VTCN1: variants seen among roughly 807,000 people sequenced by gnomAD.
VTCN1 encodes the protein V-set domain containing T cell activation inhibitor 1.
Under a neutral mutation model 26.5 loss-of-function variants are expected in VTCN1, and 26 were observed. That is an observed-to-expected ratio of 0.98 (90% CI 0.72 to 1.36). The LOEUF (loss-of-function observed/expected upper bound fraction) is 1.36, where lower values mean the gene tolerates loss of function less well. Among genes scored for constraint, VTCN1 ranks in the 40% most tolerant of loss-of-function variants. The probability of loss-of-function intolerance (pLI) is 0.00; values close to 1 mark genes in which losing one functional copy is unlikely to be tolerated. For synonymous variants in VTCN1, 116 were observed against 130.7 expected, an observed-to-expected ratio of 0.89 and a Z score of 0.77; for missense variants, 298 against 337.7, an observed-to-expected ratio of 0.88 and a Z score of 0.92.
intron 2 of VTCN1, among the ~76,000 whole-genome samples, chr1:117,164,197 A>T (rs1047162953): frequency 1.3e-5 from 2 of 152,182 alleles, no homozygotes; most frequent in African/African-American, 2.4e-5. Context: ...AAACCAGCTT[A>T]AAAGCAGCTT....
At chr1:117,184,359 A>C (rs1408550914) in intron 1 of VTCN1, among the ~76,000 whole-genome samples, 1 of 152,128 alleles carries the variant, frequency 6.6e-6, no homozygotes, top group African/African-American at 2.4e-5. Flanking sequence ...TTAGCCAAGC[A>C]GGAGTGGCAA....
chr1:117,173,354 G>A, intron 1 of VTCN1: 2 of 493,712 alleles, frequency 4.1e-6, no homozygotes, highest in East Asian at 3.5e-5. Flanking sequence ...GGGGAAATTT[G>A]GACACAGATG....
intron 1 of VTCN1, among the ~76,000 whole-genome samples, chr1:117,173,622 A>T: frequency 6.6e-6 from 1 of 152,252 alleles, no homozygotes; most frequent in East Asian, 1.9e-4. Context: ...GCACTAGCAA[A>T]CTAATACAAA....
chr1:117,160,071 A>C (rs527236321), intron 2 of VTCN1, among the ~76,000 whole-genome samples: 1 of 152,278 alleles, frequency 6.6e-6, no homozygotes, highest in East Asian at 1.9e-4. Context: ...TCTTCTTGAG[A>C]GGCTCTTTCT....
chr1:117,187,362 T>A (rs948283131), intron 1 of VTCN1, among the ~76,000 whole-genome samples: 1 of 150,118 alleles, frequency 6.7e-6, no homozygotes, highest in Non-Finnish European at 1.5e-5. Flanking sequence ...CTTTACCAAT[T>A]TAACAGTATT....
chr1:117,149,736 C>A (rs1355473189), intron 4 of VTCN1, among the ~76,000 whole-genome samples: 1 of 152,174 alleles, frequency 6.6e-6, no homozygotes, highest in Admixed American at 6.5e-5. Flanking sequence ...ACTTGGCACA[C>A]AATAGATATT....
rs1651529161 is a variant in VTCN1, at chr1:117,146,755, G to A, written c.*45+858C>T. On this transcript the variant is annotated intron_variant, in intron 5 of 5. Coordinates refer to ENST00000369458, the MANE Select transcript of VTCN1 (RefSeq NM_024626.4). This position sits in a 1 kb window ranked among gnomAD's most constrained non-coding sequence, Gnocchi z 4.2. The stretch of plus-strand genomic sequence containing the variant: ...ACTTCGATATAGTTATGCCCAGAGA[G>A]TCACTTTAGGCTCTGGAGCAAAGGA... Among the ~76,000 whole-genome samples the A allele has an allele frequency of 6.6e-6, 1 of 152,176 alleles. No homozygotes were observed. Among genetic ancestry groups the A allele is most frequent in the East Asian group, 1.9e-4 (1 of 5,188 alleles).
intron 1 of VTCN1, among the ~76,000 whole-genome samples, chr1:117,173,848 A>G (rs888198609): frequency 7.2e-5 from 11 of 152,222 alleles, no homozygotes; most frequent in African/African-American, 2.7e-4. Context: ...GAAGTTGTGC[A>G]TTTCGGCCAA....
intron 4 of VTCN1, among the ~76,000 whole-genome samples, chr1:117,150,620 T>C (rs952980232): frequency 2.6e-4 from 39 of 152,184 alleles, no homozygotes; most frequent in African/African-American, 9.4e-4. Flanking sequence ...TTTTTAAAAA[T>C]TGCAGTAAAA....
intron 1 of VTCN1, among the ~76,000 whole-genome samples, chr1:117,178,510 G>A (rs1172734860): frequency 4.0e-5 from 6 of 150,590 alleles, no homozygotes; most frequent in Non-Finnish European, 5.9e-5. Flanking sequence ...CGCCCACCTC[G>A]GCCTCCCAAA....
In VTCN1 at chr1:117,156,482, T is replaced by C. The variant is rs138293354; in HGVS notation, c.445+92A>G. 2.3e-3 allele frequency: 3,057 copies of C among 1,316,386 alleles called. 8 individuals are homozygous for C. Among genetic ancestry groups the C allele is most frequent in the South Asian group, 3.8e-3 (250 of 66,402 alleles). 81.5% of individuals were successfully genotyped at this position (1,316,386 alleles called of 1,614,324 possible). On this transcript the variant is annotated intron_variant, in intron 3 of 5. Transcript: ENST00000369458. Reference sequence around the variant, plus strand: ...CAGAATTGGGAGCATCATTGTCTGATATTGGTCACAACATATTTCATAAGC... The same window carrying C: ...CAGAATTGGGAGCATCATTGTCTGACATTGGTCACAACATATTTCATAAGC...
chr1:117,186,216 A>G (rs1647935257), intron 1 of VTCN1, among the ~76,000 whole-genome samples: 1 of 152,206 alleles, frequency 6.6e-6, no homozygotes, highest in African/African-American at 2.4e-5. Context: ...CTTCATAGCT[A>G]TTCGAATTTC....
In VTCN1 at chr1:117,156,785, G is replaced by A; in HGVS notation, c.234C>T (p.Gly78=). ...TGCCTTCTTTGAACTCATGGACCAA[G>A]CCTAAAACACCTTCCTTCAGCCATT... The part of the protein sequence containing the change: ...VIQWLKEGVL[G]LVHEFKEGKD... Residue 78 remains glycine (G), a synonymous_variant, in exon 3 of 6, where the codon GGC becomes GGT. Transcript: ENST00000369458. 1.2e-6 allele frequency: 2 copies of A among 1,614,096 alleles called. No homozygotes were observed. The highest frequency in any genetic ancestry group is 1.7e-6 in the Non-Finnish European group (2 of 1,180,006).
intron 1 of VTCN1, among the ~76,000 whole-genome samples, chr1:117,189,731 G>A (rs1395735561): frequency 1.3e-5 from 2 of 152,192 alleles, no homozygotes; most frequent in African/African-American, 4.8e-5. Context: ...GTAGAGTTGG[G>A]TGGTAAATTA....
chr1:117,190,525 T>A (rs1180103993), intron 1 of VTCN1, among the ~76,000 whole-genome samples: 1 of 152,174 alleles, frequency 6.6e-6, no homozygotes, highest in Non-Finnish European at 1.5e-5. Flanking sequence ...ACACACCTGA[T>A]AACAAGCCCA....
chr1:117,182,609 T>C (rs1385811602), intron 1 of VTCN1, among the ~76,000 whole-genome samples: 2 of 152,080 alleles, frequency 1.3e-5, no homozygotes, highest in Non-Finnish European at 2.9e-5. Context: ...GAGGCAACCT[T>C]ATGTAGAACC....
intron 1 of VTCN1, among the ~76,000 whole-genome samples, chr1:117,191,868 G>A (rs551510770): frequency 1.3e-5 from 2 of 152,242 alleles, no homozygotes; most frequent in East Asian, 3.9e-4. Flanking sequence ...AAGGTGGAAG[G>A]ATCTCTTGAA....
chr1:117,151,441 C>G (rs1309408426), intron 4 of VTCN1, among the ~76,000 whole-genome samples: 2 of 152,126 alleles, frequency 1.3e-5, no homozygotes, highest in Non-Finnish European at 2.9e-5. Flanking sequence ...AACACCAAAC[C>G]CTGCACATCA....
In VTCN1 at chr1:117,147,742, G is replaced by T; in HGVS notation, c.765C>A (p.Asn255Lys). ...AAGAGACACACAGAGAAGCCTTTGA[G>T]TTTAGCAGCTGTAGGTGACTCCGCC... ...IKRRSHLQLL[N>K]SKASLCVSSF... is the part of the protein sequence containing the mutation. Residue 255 changes from asparagine to lysine, a missense_variant, in exon 5 of 6, where the codon AAC becomes AAA. Physicochemically the swap from Asn to Lys is moderately conservative, Grantham distance 94 (BLOSUM62 0). Coordinates refer to ENST00000369458, the MANE Select transcript of VTCN1 (RefSeq NM_024626.4). The surrounding 1 kb of genome is among the most constrained non-coding windows in gnomAD (Gnocchi z 4.6). 3 of 1,614,068 alleles carry T rather than the reference G, an allele frequency of 1.9e-6. No individual in the cohort carries two copies. The highest frequency in any genetic ancestry group is 2.5e-6 in the Non-Finnish European group (3 of 1,179,968).
Sources: allele counts gnomAD v4.1 joint callset (sites outside exome capture counted in the v4.1 genomes callset), GRCh38; gene constraint gnomAD v4.1.1; non-coding constraint Gnocchi (gnomAD v3.1); transcripts MANE v1.5; gene names NCBI Gene and HGNC (gene_info 2026-07-23, HGNC 2026-07-21).